The following SLC10A7 variants were observed in gnomAD, a reference collection of about 807,000 sequenced individuals.
SLC10A7 encodes sodium/bile acid cotransporter 7.
SLC10A7 carries 29 observed loss-of-function variants against 43.2 expected under a neutral mutation model. The ratio of observed to expected loss-of-function variants is 0.67; its 90% CI spans 0.50 to 0.92. The LOEUF (loss-of-function observed/expected upper bound fraction) is 0.92, where lower values mean the gene tolerates loss of function less well. Ranked by LOEUF, SLC10A7 falls within the 40% of genes least tolerant of loss-of-function variation. The pLI, the probability that SLC10A7 is intolerant of heterozygous loss-of-function variation, is 0.00. For missense variants in SLC10A7, 295 were observed against 403.2 expected (o/e 0.73, Z 2.30); for synonymous variants, 152 against 144.8 (o/e 1.05, Z -0.35).
chr4:146,509,164 CTACT>C (rs1317597555), intron 3 of SLC10A7, among the ~76,000 whole-genome samples: 2 of 152,204 alleles, frequency 1.3e-5, no homozygotes, highest in African/African-American at 4.8e-5. Flanking sequence ...TCTTGCTCAT[CTACT>C]TACTTGTTTA....
chr4:146,459,379 G>A (rs911070367), intron 4 of SLC10A7, among the ~76,000 whole-genome samples: 1 of 151,368 alleles, frequency 6.6e-6, no homozygotes, highest in African/African-American at 2.4e-5. Flanking sequence ...TATTTATTCA[G>A]GGAATTATTC....
rs533841664 is a variant in SLC10A7 at position 146,458,460 on chromosome 4, A to G, written c.397-15639T>C. ...CCAATCTTGGCCTTGTCAAAGTAAA[A>G]TAAAATGGAGACTAGGCTGAAAATT... On this transcript the variant is annotated intron_variant, in intron 4 of 11. Transcript: ENST00000335472. Among the ~76,000 whole-genome samples, 17 of 151,968 alleles carry G rather than the reference A, an allele frequency of 1.1e-4. No homozygotes were observed. The South Asian group carries it at 3.3e-3, about 30-fold the overall frequency.
intron 5 of SLC10A7, among the ~76,000 whole-genome samples, chr4:146,423,702 A>G (rs2358268): frequency 0.27 from 40,734 of 152,152 alleles, 6,322 homozygotes; most frequent in African/African-American, 0.43. Context: ...GGAATAAATG[A>G]GAAAAATAAG....
intron 2 of SLC10A7, chr4:146,515,184 G>A (rs761862615): frequency 8.5e-6 from 6 of 702,090 alleles, no homozygotes; most frequent in Admixed American, 4.0e-5. Flanking sequence ...TTGCTTTCTG[G>A]ATTTCCCATG....
chr4:146,294,030 G>A lies in SLC10A7; in HGVS notation c.621C>T (p.Ser207=). Residue 207 remains serine, a synonymous_variant, in exon 8 of 12, where the codon AGC becomes AGT. Coordinates refer to ENST00000335472, the MANE Select transcript of SLC10A7 (RefSeq NM_001029998.6). ...TGTAGATGATCATGAGGAGTACACT[G>A]CTGCTGATAGCACCAAAAGGAGGCT... ...RKKPPFGAIS[S]SVLLMIIYTT... 1 of 1,611,062 alleles carries A rather than the reference G, an allele frequency of 6.2e-7. No homozygotes were observed. Among genetic ancestry groups the A allele is most frequent in the African/African-American group, 1.3e-5 (1 of 74,848 alleles).
At chr4:146,408,044 A>G (rs1202513207) in intron 5 of SLC10A7, among the ~76,000 whole-genome samples, 1 of 152,206 alleles carries the variant, frequency 6.6e-6, no homozygotes, top group Non-Finnish European at 1.5e-5. Flanking sequence ...CCTTACAGCT[A>G]GCAGTAATCC....
chr4:146,457,059 C>A (rs564128620), intron 4 of SLC10A7, among the ~76,000 whole-genome samples: 1 of 152,060 alleles, frequency 6.6e-6, no homozygotes, highest in East Asian at 1.9e-4. Flanking sequence ...CTCAACTCTG[C>A]TATTGTGGTG....
chr4:146,406,017 A>G (rs980504927), intron 5 of SLC10A7, among the ~76,000 whole-genome samples: 2 of 152,202 alleles, frequency 1.3e-5, no homozygotes, highest in Admixed American at 6.5e-5. Flanking sequence ...CATAGCAAAG[A>G]GAGATTACTG....
chr4:146,517,009 C>T (rs745461674), intron 2 of SLC10A7, 29 bp downstream of exon 2: 5 of 1,517,186 alleles, frequency 3.3e-6, no homozygotes, highest in Middle Eastern at 1.8e-4. Context: ...TTTCTCCCTG[C>T]TTTTCATGTG....
At chr4:146,499,603 T>C (rs1407291121) in intron 4 of SLC10A7, among the ~76,000 whole-genome samples, 2 of 152,180 alleles carry the variant, frequency 1.3e-5, no homozygotes, top group Admixed American at 6.5e-5. Context: ...TATGAAATAG[T>C]CTACTCATTT....
chr4:146,307,599 C>T (rs1453175467), intron 6 of SLC10A7, among the ~76,000 whole-genome samples: 1 of 152,056 alleles, frequency 6.6e-6, no homozygotes, highest in Non-Finnish European at 1.5e-5. Flanking sequence ...ATATATTTTA[C>T]TGAGAAATGA....
chr4:146,436,790 A>AT (rs2149880393), intron 5 of SLC10A7, among the ~76,000 whole-genome samples: 1 of 152,266 alleles, frequency 6.6e-6, no homozygotes, highest in East Asian at 1.9e-4. Context: ...AGAGCCTTGA[A>AT]TACGCAGCAG....
intron 4 of SLC10A7, among the ~76,000 whole-genome samples, chr4:146,476,313 C>T (rs189617189): frequency 6.6e-6 from 1 of 152,184 alleles, no homozygotes. Flanking sequence ...ATGATAGGTG[C>T]AGTAATGGCC....
intron 10 of SLC10A7, among the ~76,000 whole-genome samples, chr4:146,282,951 T>C (rs1391697148): frequency 5.3e-5 from 8 of 152,158 alleles, no homozygotes; most frequent in South Asian, 2.1e-4. Context: ...TGTATGAGAA[T>C]TGAAAATATG....
At chr4:146,309,635 T>C (rs1731824592) in intron 6 of SLC10A7, among the ~76,000 whole-genome samples, 1 of 152,168 alleles carries the variant, frequency 6.6e-6, no homozygotes, top group Non-Finnish European at 1.5e-5. Flanking sequence ...CAGAAAAAGC[T>C]TGCGAATGCT....
At chr4:146,309,864 T>A (rs1034381553) in intron 6 of SLC10A7, among the ~76,000 whole-genome samples, 21 of 152,184 alleles carry the variant, frequency 1.4e-4, no homozygotes, top group African/African-American at 4.8e-4. Flanking sequence ...TGCAAGTTTG[T>A]TACATGGGTA....
At chr4:146,436,317 A>G (rs1158644483) in intron 5 of SLC10A7, among the ~76,000 whole-genome samples, 1 of 152,196 alleles carries the variant, frequency 6.6e-6, no homozygotes, top group Non-Finnish European at 1.5e-5. Context: ...TACTTCAGAT[A>G]AGAGTTTGTT....
intron 1 of SLC10A7, 83 bp from the exon 2 acceptor site, chr4:146,517,203 C>T (rs1738092919): frequency 8.7e-7 from 1 of 1,145,690 alleles, no homozygotes; most frequent in East Asian, 2.5e-5. Context: ...TTGTTCACAC[C>T]TGTAATCCCA....
chr4:146,322,322 T>C (rs912010688), intron 6 of SLC10A7, among the ~76,000 whole-genome samples: 2 of 151,874 alleles, frequency 1.3e-5, no homozygotes, highest in African/African-American at 4.8e-5. Context: ...CTACACCCAT[T>C]AACTCATCAT....
Sources: gnomAD v4.1 joint callset for allele counts (sites outside exome capture counted in the v4.1 genomes callset) on GRCh38, gnomAD v4.1.1 for gene constraint, MANE v1.5 for transcripts, NCBI Gene and HGNC (gene_info 2026-07-23, HGNC 2026-07-21) for gene names.